The following CCSER1 variants were observed in gnomAD, a reference collection of about 807,000 sequenced individuals.
The protein encoded by CCSER1 is coiled-coil serine rich protein 1.
A neutral mutation model predicts 82.0 loss-of-function variants in CCSER1; 41 were observed. The observed-to-expected ratio is 0.50, with a 90% CI of 0.39 to 0.65. The LOEUF (loss-of-function observed/expected upper bound fraction) is 0.65, where lower values mean the gene tolerates loss of function less well. Among genes scored for constraint, CCSER1 ranks in the 30% least tolerant of loss-of-function variants. CCSER1 has a pLI of 0.00. For synonymous variants in CCSER1, 414 were observed against 383.9 expected (o/e 1.08, Z -0.92); for missense variants, 1,119 against 1,064.2 (o/e 1.05, Z -0.72).
At chr4:91,171,509 G>A (rs1732754498) in intron 10 of CCSER1, among the ~76,000 whole-genome samples, 1 of 152,082 alleles carries the variant, frequency 6.6e-6, no homozygotes, top group Non-Finnish European at 1.5e-5. Context: ...TTCTGAAATG[G>A]ACTTTAATTA....
At chr4:91,579,475 T>C (rs904923061) in intron 10 of CCSER1, among the ~76,000 whole-genome samples, 3 of 151,734 alleles carry the variant, frequency 2.0e-5, no homozygotes, top group Admixed American at 6.6e-5. Flanking sequence ...ACATTACCAA[T>C]AGCAAAATTT....
chr4:91,460,234 G>A (rs1756429661), intron 10 of CCSER1, among the ~76,000 whole-genome samples: 1 of 152,074 alleles, frequency 6.6e-6, no homozygotes, highest in Non-Finnish European at 1.5e-5. Flanking sequence ...TAAGAATATT[G>A]ATAATTCGTA....
Position 90,579,004 on chromosome 4 carries a change from T to C in CCSER1, c.1725-49021T>C, listed in dbSNP as rs1399684687. On this transcript the variant is annotated intron_variant, in intron 5 of 10. Transcript: ENST00000509176. ...TAGTGCTTATAAAGTATATAAATAT[T>C]ATGTTGTCTATTAAAAAAAGCTTGA... Among the ~76,000 whole-genome samples, 8 of 56,788 alleles carry C rather than the reference T, an allele frequency of 1.4e-4. No homozygotes were observed. In the South Asian group the frequency reaches 2.0e-3, roughly 14 times the overall value. The allele number at this position is 56,788 out of a possible 152,430, so 37.3% of individuals were successfully genotyped here.
intron 1 of CCSER1, among the ~76,000 whole-genome samples, chr4:90,288,535 A>G (rs1301431353): frequency 6.6e-6 from 1 of 151,892 alleles, no homozygotes; most frequent in African/African-American, 2.4e-5. Flanking sequence ...TAGCCCCTCT[A>G]ATTCCCTTCT....
intron 9 of CCSER1, among the ~76,000 whole-genome samples, chr4:90,944,190 C>T (rs1731954948): frequency 6.7e-6 from 1 of 148,294 alleles, no homozygotes. Flanking sequence ...TGAGATGACG[C>T]CACTGCACTC....
At chr4:90,972,577 T>C (rs1267745032) in intron 9 of CCSER1, among the ~76,000 whole-genome samples, 1 of 151,650 alleles carries the variant, frequency 6.6e-6, no homozygotes, top group Non-Finnish European at 1.5e-5. Context: ...AAAATAATAT[T>C]CTTAAAATAC....
At chr4:91,462,744 C>T (rs901662527) in intron 10 of CCSER1, among the ~76,000 whole-genome samples, 6 of 152,142 alleles carry the variant, frequency 3.9e-5, no homozygotes, top group Non-Finnish European at 7.3e-5. Flanking sequence ...CCCACACCCA[C>T]GGAGCCTCGC....
intron 1 of CCSER1, among the ~76,000 whole-genome samples, chr4:90,285,172 T>C (rs892916670): frequency 2.6e-5 from 4 of 152,086 alleles, no homozygotes; most frequent in Non-Finnish European, 5.9e-5. Context: ...TTTTTCTATT[T>C]TTGTGAAGAA....
At chr4:90,979,670 C>A (rs1240959951) in intron 9 of CCSER1, among the ~76,000 whole-genome samples, 1 of 151,690 alleles carries the variant, frequency 6.6e-6, no homozygotes, top group Admixed American at 6.6e-5. Flanking sequence ...GGAGTCTTAA[C>A]TTGTGTCACT....
chr4:90,168,657 G>T (rs1730991814), intron 1 of CCSER1, among the ~76,000 whole-genome samples: 1 of 152,090 alleles, frequency 6.6e-6, no homozygotes, highest in South Asian at 2.1e-4. Context: ...TTTGTATAAG[G>T]TGTAAGGAAG....
At chr4:90,401,191 C>G (rs1265222088) in intron 4 of CCSER1, among the ~76,000 whole-genome samples, 2 of 152,134 alleles carry the variant, frequency 1.3e-5, no homozygotes, top group Non-Finnish European at 2.9e-5. Context: ...TTGAATACCA[C>G]TTTATGATAA....
intron 5 of CCSER1, among the ~76,000 whole-genome samples, chr4:90,523,106 G>A (rs1435706681): frequency 2.6e-5 from 4 of 152,080 alleles, no homozygotes; most frequent in Admixed American, 6.6e-5. Context: ...AAGAATGGCA[G>A]AATCAAATGA....
At chr4:91,353,413 C>T (rs1259962634) in intron 10 of CCSER1, among the ~76,000 whole-genome samples, 6 of 152,240 alleles carry the variant, frequency 3.9e-5, no homozygotes, top group African/African-American at 7.2e-5. Flanking sequence ...CTATGAATAA[C>T]GTCGGTTTCT....
At chr4:91,449,984 T>G (rs1461558102) in intron 10 of CCSER1, among the ~76,000 whole-genome samples, 2 of 152,090 alleles carry the variant, frequency 1.3e-5, no homozygotes, top group Non-Finnish European at 2.9e-5. Context: ...TCATTTTATG[T>G]TTTGTTCTTC....
At position 90,499,077 on chromosome 4, in the gene CCSER1, T is replaced by C. The variant is rs17017063; in HGVS notation, c.1724+30723T>C. 9.9e-3 allele frequency among the ~76,000 whole-genome samples: 1,499 copies of C among 152,084 alleles called. 25 individuals are homozygous for C. Among genetic ancestry groups the C allele is most frequent in the African/African-American group, 0.034 (1,422 of 41,510 alleles). ...ATAAGCCCTATGTTTCTAAAAATAG[T>C]TATGAAATATATATGTGTGTGTATA... On this transcript the variant is annotated intron_variant, in intron 5 of 10. Transcript: ENST00000509176.
chr4:90,801,820 G>A (rs888896428), intron 7 of CCSER1, among the ~76,000 whole-genome samples: 3 of 152,068 alleles, frequency 2.0e-5, no homozygotes, highest in African/African-American at 7.2e-5. Context: ...TAAATATAAT[G>A]TCTAAGAATC....
At chr4:91,149,346 T>G (rs937857508) in intron 10 of CCSER1, among the ~76,000 whole-genome samples, 1 of 152,184 alleles carries the variant, frequency 6.6e-6, no homozygotes. Flanking sequence ...TCTCATAAAT[T>G]TGTTTAAGTT....
At chr4:90,803,649 G>C (rs542746718) in intron 7 of CCSER1, among the ~76,000 whole-genome samples, 1 of 152,204 alleles carries the variant, frequency 6.6e-6, no homozygotes, top group Admixed American at 6.5e-5. Context: ...CTTTGCTATT[G>C]TGAATAGTGC....
At chr4:91,428,400 G>A (rs1309267991) in intron 10 of CCSER1, among the ~76,000 whole-genome samples, 1 of 151,962 alleles carries the variant, frequency 6.6e-6, no homozygotes, top group South Asian at 2.1e-4. Context: ...GAACAAATTT[G>A]GGTCTTTATA....
Sources: allele counts gnomAD v4.1 joint callset (sites outside exome capture counted in the v4.1 genomes callset), GRCh38; gene constraint gnomAD v4.1.1; transcripts MANE v1.5; gene names NCBI Gene and HGNC (gene_info 2026-07-23, HGNC 2026-07-21).